UBA2: variants seen among roughly 807,000 people sequenced by gnomAD.
The protein encoded by UBA2 is SUMO-activating enzyme subunit 2.
Under a neutral mutation model 77.2 loss-of-function variants are expected in UBA2, and 11 were observed. That is an observed-to-expected ratio of 0.14 (90% CI 0.09 to 0.24). The LOEUF (loss-of-function observed/expected upper bound fraction) is 0.24, where lower values mean the gene tolerates loss of function less well. Among genes scored for constraint, UBA2 ranks in the 10% least tolerant of loss-of-function variants. UBA2 has a pLI of 1.00. For missense variants in UBA2, 487 were observed against 781.7 expected (o/e 0.62, Z 4.50); for synonymous variants, 278 against 276.7 (o/e 1.00, Z -0.05).
chr19:34,443,949 A>G (rs753814042), intron 7 of UBA2, 38 bp downstream of exon 7: 13 of 1,385,410 alleles, frequency 9.4e-6, no homozygotes, highest in East Asian at 9.3e-5. Context: ...ATCAGATACT[A>G]TTATCTTTAT....
rs535508565 is a variant in UBA2, at chr19:34,452,368, G to A, written c.1038+221G>A. Among the ~76,000 whole-genome samples, 6 of 152,258 alleles carry A rather than the reference G, an allele frequency of 3.9e-5. No individual in the cohort carries two copies. The South Asian group carries it at 6.2e-4, about 16-fold the overall frequency. On this transcript the variant is annotated intron_variant, in intron 10 of 16. Coordinates refer to ENST00000246548, the MANE Select transcript of UBA2 (RefSeq NM_005499.3). ...ACTTCATTTGGGATTCTAGTGATGT[G>A]TTCAGGGTTTATAATTATGTTGACT...
At chr19:34,444,277 C>T (rs1285191246) in intron 7 of UBA2, among the ~76,000 whole-genome samples, 2 of 151,800 alleles carry the variant, frequency 1.3e-5, no homozygotes, top group Admixed American at 6.6e-5. Context: ...AGGCTGGTCT[C>T]GAACTCTTGA....
intron 8 of UBA2, among the ~76,000 whole-genome samples, chr19:34,448,763 T>G (rs968236143): frequency 3.3e-5 from 5 of 152,158 alleles, no homozygotes; most frequent in Admixed American, 6.5e-5. Flanking sequence ...TGGTTGGGAT[T>G]CCTAGGTTTA....
chr19:34,454,618 C>T, intron 12 of UBA2, 62 bp downstream of exon 12: 4 of 784,802 alleles, frequency 5.1e-6, no homozygotes, highest in Non-Finnish European at 7.7e-6. Flanking sequence ...ATTAAAAGTA[C>T]ATTAAACAGA....
intron 6 of UBA2, among the ~76,000 whole-genome samples, chr19:34,439,200 T>A (rs1599896927): frequency 6.8e-6 from 1 of 146,122 alleles, no homozygotes; most frequent in East Asian, 1.9e-4. Flanking sequence ...GAGTGAGAAT[T>A]TGTCTCAAAA....
Position 34,454,529 on chromosome 19 carries a change from A to G in UBA2, c.1218A>G (p.Leu406=), listed in dbSNP as rs1209533903. The G allele has an allele frequency of 2.5e-6, 4 of 1,605,136 alleles. No individual in the cohort carries two copies. In the East Asian group the frequency reaches 8.9e-5, roughly 36 times the overall value. The change falls in exon 12 of 17, where the codon TTA becomes TTG. Residue 406 remains leucine (L), a synonymous_variant. Transcript: ENST00000246548. The part of the protein sequence containing the change: ...GLIVLEGLKI[L]SGKIDQCRTI... ...TAGTATTGGAAGGATTGAAGATTTT[A>G]TCAGGAAAAATAGACCAGTGCAGAA... is the stretch of plus-strand genomic sequence containing the variant.
rs770015909 is a variant in UBA2 at position 34,450,259 on chromosome 19, T to C, written c.772-6T>C. ...GGGTTCATGGGATCTGTCTTTCTTT[T>C]GTAAGCTTTTTAAAGATGACATCAG... is the stretch of plus-strand genomic sequence containing the variant. On this transcript the variant is annotated splice_region_variant and splice_polypyrimidine_tract_variant and intron_variant, in intron 8 of 16. Transcript: ENST00000246548. The C allele has an allele frequency of 6.2e-7, 1 of 1,602,322 alleles. No individual in the cohort carries two copies. Among genetic ancestry groups the C allele is most frequent in the South Asian group, 1.1e-5 (1 of 89,102 alleles).
intron 6 of UBA2, among the ~76,000 whole-genome samples, chr19:34,442,328 A>G (rs1323789427): frequency 6.6e-6 from 1 of 152,256 alleles, no homozygotes; most frequent in Non-Finnish European, 1.5e-5. Context: ...TGTTTTAATC[A>G]TAAGACTTAC....
intron 8 of UBA2, among the ~76,000 whole-genome samples, chr19:34,447,284 G>A (rs567422479): frequency 3.4e-4 from 52 of 152,208 alleles, no homozygotes; most frequent in African/African-American, 1.3e-3. Context: ...GATTAAGAGA[G>A]GGTTTGCTTT....
At chr19:34,442,617 T>TA (rs1483492911) in intron 6 of UBA2, among the ~76,000 whole-genome samples, 1 of 152,014 alleles carries the variant, frequency 6.6e-6, no homozygotes, top group Non-Finnish European at 1.5e-5. Flanking sequence ...TTTTAGTAGA[T>TA]ACAGGGTTTC....
chr19:34,463,161 CT>C (rs992687343), intron 14 of UBA2, among the ~76,000 whole-genome samples: 13 of 151,944 alleles, frequency 8.6e-5, no homozygotes, highest in Non-Finnish European at 1.8e-4. Context: ...CCCAGCTATT[CT>C]GGAGGCTGAG....
At chr19:34,454,413 A>T (rs1165991918) in intron 11 of UBA2, 31 bp from the exon 12 acceptor site, 1 of 1,581,186 alleles carries the variant, frequency 6.3e-7, no homozygotes. Context: ...TTAAACAGTG[A>T]AACATACTCA....
intron 10 of UBA2, 147 bp downstream of exon 10, chr19:34,452,294 G>C: frequency 3.1e-6 from 2 of 647,024 alleles, no homozygotes; most frequent in South Asian, 5.6e-5. Context: ...AGCTCTAATT[G>C]CTGTATGGAG....
At chr19:34,440,783 G>A (rs8107863) in intron 6 of UBA2, among the ~76,000 whole-genome samples, 64,592 of 151,888 alleles carry the variant, frequency 0.43, 16,686 homozygotes, top group Non-Finnish European at 0.58. Flanking sequence ...AAAATTAGCC[G>A]GACATGGTGG....
chr19:34,463,108 AAAG>A (rs1016985611), intron 14 of UBA2, among the ~76,000 whole-genome samples: 2 of 152,054 alleles, frequency 1.3e-5, no homozygotes, highest in African/African-American at 4.8e-5. Context: ...AAAAAAAAAA[AAAG>A]AAAGAAAATT....
At chr19:34,438,234 AAAC>A (rs956477087) in intron 5 of UBA2, among the ~76,000 whole-genome samples, 9 of 152,052 alleles carry the variant, frequency 5.9e-5, no homozygotes, top group Admixed American at 1.3e-4. Context: ...AAAAAAAAAA[AAAC>A]ACATATAAGA....
intron 12 of UBA2, among the ~76,000 whole-genome samples, chr19:34,456,106 C>CTTTTTTTT (rs869130576): frequency 1.4e-5 from 1 of 73,628 alleles, no homozygotes; most frequent in African/African-American, 3.5e-5. Context: ...TTTTCTTTTT[C>CTTTTTTTT]TTTTTTTTTT....
chr19:34,435,992 C>T (rs1465420108), intron 5 of UBA2, among the ~76,000 whole-genome samples: 2 of 151,376 alleles, frequency 1.3e-5, no homozygotes, highest in Non-Finnish European at 2.9e-5. Flanking sequence ...TGGTGGTGTG[C>T]ACCTGTAATC....
In UBA2 at chr19:34,470,153, G is replaced by A. The variant is rs1357643687; in HGVS notation, c.*932G>A. On this transcript the variant is annotated 3_prime_UTR_variant, in exon 17 of 17. Transcript: ENST00000246548. ...AGGCACCTGTAATTCCAGCTACTCA[G>A]GAGGCTAAGGCAGCAGAATTGCTTG... The A allele has an allele frequency of 6.6e-6, 1 of 151,998 alleles. No individual in the cohort carries two copies. Among genetic ancestry groups the A allele is most frequent in the Non-Finnish European group, 1.5e-5 (1 of 68,088 alleles). The allele number at this position is 151,998 out of a possible 1,614,324, so 9.4% of individuals were successfully genotyped here. A position where few individuals can be genotyped will look rare whatever the true frequency, so the allele number is the denominator to read the frequency against.
Sources: gnomAD v4.1 joint callset for allele counts (sites outside exome capture counted in the v4.1 genomes callset) on GRCh38, gnomAD v4.1.1 for gene constraint, MANE v1.5 for transcripts, NCBI Gene and HGNC (gene_info 2026-07-23, HGNC 2026-07-21) for gene names.